PTPRD: variants seen among roughly 807,000 people sequenced by gnomAD.
The protein encoded by PTPRD is receptor-type tyrosine-protein phosphatase delta.
PTPRD carries 34 observed loss-of-function variants against 214.5 expected under a neutral mutation model. The observed-to-expected ratio is 0.16, with a 90% CI of 0.12 to 0.21. The LOEUF (loss-of-function observed/expected upper bound fraction) is 0.21, where lower values mean the gene tolerates loss of function less well. Ranked by LOEUF, PTPRD falls within the 10% of genes least tolerant of loss-of-function variation. The probability of loss-of-function intolerance (pLI) is 1.00; values close to 1 mark genes in which losing one functional copy is unlikely to be tolerated. For missense variants in PTPRD, 2,545 were observed against 2,398.7 expected, an observed-to-expected ratio of 1.06 and a Z score of -1.27; for synonymous variants, 1,128 against 845.7, an observed-to-expected ratio of 1.33 and a Z score of -5.79.
intron 10 of PTPRD, among the ~76,000 whole-genome samples, chr9:9,157,748 G>A (rs982106750): frequency 5.9e-5 from 9 of 151,370 alleles, no homozygotes; most frequent in Non-Finnish European, 1.0e-4. Context: ...TGGTGTACAC[G>A]TCCAGGATGT....
At chr9:9,925,815 T>C (rs746594014) in intron 5 of PTPRD, among the ~76,000 whole-genome samples, 2 of 152,100 alleles carry the variant, frequency 1.3e-5, no homozygotes, top group African/African-American at 2.4e-5. Context: ...CAAATCTATA[T>C]ACTAATCTCC....
chr9:10,087,133 T>A (rs1227225561), intron 3 of PTPRD, among the ~76,000 whole-genome samples: 3 of 122,064 alleles, frequency 2.5e-5, no homozygotes, highest in African/African-American at 8.7e-5. Context: ...AAATATGTTT[T>A]AGAGTTTTTT....
At chr9:8,443,763 G>C (rs2133068624) in intron 34 of PTPRD, among the ~76,000 whole-genome samples, 1 of 152,102 alleles carries the variant, frequency 6.6e-6, no homozygotes, top group Admixed American at 6.5e-5. Context: ...GTAATGATTG[G>C]TGCACCACCA....
chr9:8,882,435 C>T (rs1260427371), intron 11 of PTPRD, among the ~76,000 whole-genome samples: 1 of 152,098 alleles, frequency 6.6e-6, no homozygotes, highest in Admixed American at 6.5e-5. Flanking sequence ...GTCTTCTGAT[C>T]CTCACAAAAG....
chr9:10,336,468 T>G (rs1328753813), intron 3 of PTPRD, among the ~76,000 whole-genome samples: 1 of 151,502 alleles, frequency 6.6e-6, no homozygotes, highest in African/African-American at 2.4e-5. Context: ...TTTGCCAGAA[T>G]TCAGTCACAA....
chr9:9,708,891 TG>T (rs2097675164), intron 7 of PTPRD, among the ~76,000 whole-genome samples: 1 of 152,050 alleles, frequency 6.6e-6, no homozygotes, highest in Admixed American at 6.6e-5. Context: ...ATTATAATTC[TG>T]CAAACTAGAA....
chr9:10,469,594 G>C (rs910805499), intron 2 of PTPRD, among the ~76,000 whole-genome samples: 3 of 152,060 alleles, frequency 2.0e-5, no homozygotes, highest in East Asian at 1.9e-4. Flanking sequence ...ATGAAAAACA[G>C]TATGGCGCTT....
intron 3 of PTPRD, among the ~76,000 whole-genome samples, chr9:10,135,216 T>C (rs911484445): frequency 5.3e-5 from 8 of 152,070 alleles, no homozygotes; most frequent in African/African-American, 1.9e-4. Context: ...CCTTTGGAAA[T>C]TACAGGATTA....
intron 5 of PTPRD, among the ~76,000 whole-genome samples, chr9:9,771,151 T>C (rs2098748678): frequency 6.6e-6 from 1 of 152,206 alleles, no homozygotes; most frequent in African/African-American, 2.4e-5. Context: ...CTCAAGATTA[T>C]GTTCTTTTTC....
chr9:9,612,632 A>T lies in PTPRD; in HGVS notation c.-286-37851T>A, dbSNP rs549453259. ...TCATAACCTGTGGTCAGCATCAGCCAATTATCCTAAGATAGTAATTATTGT... is the reference window on the plus strand; with the variant it reads ...TCATAACCTGTGGTCAGCATCAGCCTATTATCCTAAGATAGTAATTATTGT... On this transcript the variant is annotated intron_variant, in intron 7 of 45. Coordinates refer to ENST00000381196, the MANE Select transcript of PTPRD (RefSeq NM_002839.4). Among the ~76,000 whole-genome samples, 5 of 152,284 alleles carry T rather than the reference A, an allele frequency of 3.3e-5. No homozygotes were observed. The South Asian group carries it at 1.0e-3, about 32-fold the overall frequency.
intron 4 of PTPRD, among the ~76,000 whole-genome samples, chr9:9,960,760 C>G (rs933347576): frequency 6.6e-6 from 1 of 151,986 alleles, no homozygotes. Context: ...CCTAAAGACA[C>G]ATGATAACTA....
At chr9:9,281,193 G>A (rs1237442514) in intron 9 of PTPRD, among the ~76,000 whole-genome samples, 1 of 151,104 alleles carries the variant, frequency 6.6e-6, no homozygotes, top group Non-Finnish European at 1.5e-5. Context: ...AATGACCTTA[G>A]GTATGGTGAT....
At chr9:9,431,305 G>A (rs999467770) in intron 8 of PTPRD, among the ~76,000 whole-genome samples, 2 of 152,184 alleles carry the variant, frequency 1.3e-5, no homozygotes, top group South Asian at 2.1e-4. Flanking sequence ...ATGAAAAATT[G>A]CTCATCATCA....
At chr9:10,217,913 G>A (rs148835587) in intron 3 of PTPRD, among the ~76,000 whole-genome samples, 4 of 151,990 alleles carry the variant, frequency 2.6e-5, no homozygotes, top group African/African-American at 7.2e-5. Flanking sequence ...CAGGCAACGG[G>A]TTTGAAAACC....
intron 2 of PTPRD, among the ~76,000 whole-genome samples, chr9:10,510,846 T>A (rs1029584158): frequency 6.6e-6 from 1 of 152,110 alleles, no homozygotes; most frequent in African/African-American, 2.4e-5. Context: ...CCCTTCTTCA[T>A]CCTTCCCTCC....
chr9:9,600,970 G>T (rs2093701291), intron 7 of PTPRD, among the ~76,000 whole-genome samples: 1 of 151,960 alleles, frequency 6.6e-6, no homozygotes, highest in South Asian at 2.1e-4. Context: ...CTGGCCATTG[G>T]TAATGAGACC....
At chr9:8,426,994 T>C (rs569381171) in intron 35 of PTPRD, among the ~76,000 whole-genome samples, 1 of 152,108 alleles carries the variant, frequency 6.6e-6, no homozygotes, top group Non-Finnish European at 1.5e-5. Flanking sequence ...AGCTGCTGTG[T>C]CTTTGTGTTC....
chr9:10,577,098 A>T (rs1188879620), intron 2 of PTPRD, among the ~76,000 whole-genome samples: 5 of 151,054 alleles, frequency 3.3e-5, no homozygotes, highest in Non-Finnish European at 7.4e-5. Context: ...TAAAGCTGTA[A>T]TTTTTTTTTT....
intron 8 of PTPRD, among the ~76,000 whole-genome samples, chr9:9,549,374 A>G (rs1346778201): frequency 6.6e-6 from 1 of 152,132 alleles, no homozygotes; most frequent in Non-Finnish European, 1.5e-5. Flanking sequence ...ATATCTGAAA[A>G]GACATTTTAA....
Sources: gnomAD v4.1 joint callset for allele counts (sites outside exome capture counted in the v4.1 genomes callset) on GRCh38, gnomAD v4.1.1 for gene constraint, MANE v1.5 for transcripts, NCBI Gene and HGNC (gene_info 2026-07-23, HGNC 2026-07-21) for gene names.